Variants in GNAQ observed in about 807,000 individuals in gnomAD.
GNAQ encodes guanine nucleotide-binding protein G(q) subunit alpha.
A neutral mutation model predicts 43.9 loss-of-function variants in GNAQ; 8 were observed. The observed-to-expected ratio is 0.18, with a 90% CI of 0.11 to 0.33. The LOEUF (loss-of-function observed/expected upper bound fraction) is 0.33, where lower values mean the gene tolerates loss of function less well. Ranked by LOEUF, GNAQ falls within the 10% of genes least tolerant of loss-of-function variation. GNAQ has a pLI of 1.00. For synonymous variants in GNAQ, 155 were observed against 170.7 expected, an observed-to-expected ratio of 0.91 and a Z score of 0.71; for missense variants, 158 against 450.8, an observed-to-expected ratio of 0.35 and a Z score of 5.88.
intron 5 of GNAQ, among the ~76,000 whole-genome samples, chr9:77,763,659 G>C (rs1487957418): frequency 2.0e-5 from 3 of 152,182 alleles, no homozygotes; most frequent in Non-Finnish European, 4.4e-5. Context: ...TTCATTACAA[G>C]GGTAAATAAA....
chr9:77,958,770 G>A (rs961749412), intron 1 of GNAQ, among the ~76,000 whole-genome samples: 2 of 152,216 alleles, frequency 1.3e-5, no homozygotes, highest in South Asian at 4.1e-4. Context: ...GAGCAGTACC[G>A]ACTGTGGCCA....
At chr9:77,813,070 G>T (rs1826953065) in intron 3 of GNAQ, among the ~76,000 whole-genome samples, 1 of 151,466 alleles carries the variant, frequency 6.6e-6, no homozygotes, top group Admixed American at 6.6e-5. Context: ...ACCCCACCAC[G>T]CCTGGCTACT....
At chr9:77,763,499 A>G (rs1159333400) in intron 5 of GNAQ, among the ~76,000 whole-genome samples, 4 of 152,134 alleles carry the variant, frequency 2.6e-5, no homozygotes, top group African/African-American at 9.7e-5. Flanking sequence ...AGCCTTTTCA[A>G]TTGTCCTCAC....
At chr9:77,913,211 G>A (rs927396711) in intron 2 of GNAQ, among the ~76,000 whole-genome samples, 8 of 151,816 alleles carry the variant, frequency 5.3e-5, no homozygotes, top group African/African-American at 1.5e-4. Context: ...GCAGACTTAT[G>A]TTCACCAAAG....
chr9:78,000,194 A>C (rs1305911261), intron 1 of GNAQ, among the ~76,000 whole-genome samples: 6 of 152,222 alleles, frequency 3.9e-5, no homozygotes, highest in Non-Finnish European at 8.8e-5. Flanking sequence ...TCAAAAATTC[A>C]ATTTTTTTTC....
At chr9:77,856,033 T>TA in intron 2 of GNAQ, among the ~76,000 whole-genome samples, 1 of 152,310 alleles carries the variant, frequency 6.6e-6, no homozygotes, top group Non-Finnish European at 1.5e-5. Flanking sequence ...AGATCTTGCT[T>TA]ACCAACTATT....
intron 2 of GNAQ, among the ~76,000 whole-genome samples, chr9:77,821,724 G>GGTGTGTGT (rs1554718670): frequency 6.2e-4 from 89 of 142,402 alleles, no homozygotes; most frequent in East Asian, 1.0e-3. Context: ...TCCTAGTATG[G>GGTGTGTGT]GTGTGTGTGT....
intron 1 of GNAQ, among the ~76,000 whole-genome samples, chr9:77,948,364 C>A (rs1366231566): frequency 6.6e-6 from 1 of 152,220 alleles, no homozygotes; most frequent in African/African-American, 2.4e-5. Context: ...TATCCCAACA[C>A]AGGACACAAA....
chr9:77,717,768 AT>A lies in GNAQ; in HGVS notation c.*3554del. On this transcript the variant is annotated 3_prime_UTR_variant, in exon 7 of 7. Transcript: ENST00000286548. ...AATACAAGTTTTACGTGTTCTTCAG[AT>A]TCCTTTTGTAGTTGTCATCTGCTAG... 4.3e-6 allele frequency: 1 copy of A among 232,290 alleles called. No homozygotes were observed. The highest frequency in any genetic ancestry group is 8.5e-6 in the Non-Finnish European group (1 of 117,632). The allele number at this position is 232,290 out of a possible 1,614,324, so 14.4% of individuals were successfully genotyped here.
intron 2 of GNAQ, among the ~76,000 whole-genome samples, chr9:77,846,065 G>A (rs1413769923): frequency 1.3e-5 from 2 of 152,202 alleles, no homozygotes; most frequent in Admixed American, 6.5e-5. Flanking sequence ...AAGACCTGAA[G>A]ATGGTCACAA....
At chr9:77,772,742 G>A (rs1826246433) in intron 5 of GNAQ, among the ~76,000 whole-genome samples, 1 of 152,126 alleles carries the variant, frequency 6.6e-6, no homozygotes, top group South Asian at 2.1e-4. Context: ...CAACAACAAA[G>A]CCATGACTAA....
intron 3 of GNAQ, among the ~76,000 whole-genome samples, chr9:77,807,056 G>A (rs978052598): frequency 1.3e-5 from 2 of 152,154 alleles, no homozygotes; most frequent in South Asian, 2.1e-4. Flanking sequence ...TGACAAGGAT[G>A]ATCAGGTCTG....
chr9:77,958,269 T>C (rs1393077089), intron 1 of GNAQ, among the ~76,000 whole-genome samples: 1 of 152,152 alleles, frequency 6.6e-6, no homozygotes, highest in African/African-American at 2.4e-5. Flanking sequence ...ACTCTACATA[T>C]AGATGTACTT....
intron 5 of GNAQ, among the ~76,000 whole-genome samples, chr9:77,767,325 C>G (rs923745435): frequency 2.6e-5 from 4 of 152,070 alleles, no homozygotes; most frequent in African/African-American, 9.7e-5. Flanking sequence ...CAGTAGCACC[C>G]CCTAATTGTG....
chr9:77,850,572 C>T (rs1827659285), intron 2 of GNAQ, among the ~76,000 whole-genome samples: 1 of 152,166 alleles, frequency 6.6e-6, no homozygotes, highest in Non-Finnish European at 1.5e-5. Flanking sequence ...AGCCTTTCCA[C>T]AGCTCCACAC....
chr9:77,857,044 T>A (rs1827766814), intron 2 of GNAQ, among the ~76,000 whole-genome samples: 1 of 152,214 alleles, frequency 6.6e-6, no homozygotes, highest in Non-Finnish European at 1.5e-5. Flanking sequence ...GTGAGCTGAC[T>A]TTCTTAGCAT....
At chr9:77,722,482 G>A (rs1825332222) in intron 6 of GNAQ, among the ~76,000 whole-genome samples, 1 of 151,854 alleles carries the variant, frequency 6.6e-6, no homozygotes, top group African/African-American at 2.4e-5. Flanking sequence ...TATGTACCAA[G>A]AATTCTCCTA....
chr9:77,860,089 C>G (rs1238333255), intron 2 of GNAQ, among the ~76,000 whole-genome samples: 2 of 152,186 alleles, frequency 1.3e-5, no homozygotes, highest in African/African-American at 4.8e-5. Context: ...TTAATAGAAG[C>G]CATAAAATAC....
At chr9:77,892,295 C>G (rs1828419128) in intron 2 of GNAQ, among the ~76,000 whole-genome samples, 1 of 152,184 alleles carries the variant, frequency 6.6e-6, no homozygotes, top group African/African-American at 2.4e-5. Context: ...CAGCTCTTCC[C>G]CTTTCACAAG....
Sources: gnomAD v4.1 joint callset for allele counts (sites outside exome capture counted in the v4.1 genomes callset) on GRCh38, gnomAD v4.1.1 for gene constraint, MANE v1.5 for transcripts, NCBI Gene and HGNC (gene_info 2026-07-23, HGNC 2026-07-21) for gene names.